The following NREP variants were observed in gnomAD, a reference collection of about 807,000 sequenced individuals.
The protein encoded by NREP is neuronal regeneration related protein, also known as neuronal regeneration-related protein.
Under a neutral mutation model 8.6 loss-of-function variants are expected in NREP, and 5 were observed. That is an observed-to-expected ratio of 0.58 (90% CI 0.30 to 1.22). The LOEUF is 1.22. NREP is among the 50% of genes most tolerant of loss of function. NREP has a pLI of 0.07. For missense variants in NREP, 86 were observed against 82.5 expected, an observed-to-expected ratio of 1.04 and a Z score of -0.17; for synonymous variants, 27 against 28.0, an observed-to-expected ratio of 0.96 and a Z score of 0.11.
intron 2 of NREP, among the ~76,000 whole-genome samples, chr5:111,798,949 G>A (rs1391408900): frequency 6.6e-6 from 1 of 152,150 alleles, no homozygotes; most frequent in Non-Finnish European, 1.5e-5. Flanking sequence ...CTAGCAGTGG[G>A]ATTGCTAGAT....
chr5:111,839,561 CT>C (rs1300330126), intron 2 of NREP, among the ~76,000 whole-genome samples: 5 of 151,998 alleles, frequency 3.3e-5, no homozygotes, highest in Non-Finnish European at 7.4e-5. Flanking sequence ...TTTTTCTTTC[CT>C]TTCCTGTCAT....
chr5:111,793,794 C>T (rs965788478), intron 2 of NREP, among the ~76,000 whole-genome samples: 4 of 152,290 alleles, frequency 2.6e-5, no homozygotes, highest in African/African-American at 4.8e-5. Flanking sequence ...CACAGTGGCT[C>T]ATGTCTGTAA....
intron 2 of NREP, among the ~76,000 whole-genome samples, chr5:111,782,459 G>A (rs769388478): frequency 5.9e-5 from 9 of 152,254 alleles, no homozygotes; most frequent in Non-Finnish European, 1.2e-4. Context: ...TGCCAAACTT[G>A]GAACAAATTC....
intron 2 of NREP, among the ~76,000 whole-genome samples, chr5:111,882,460 G>C (rs1009269372): frequency 9.2e-5 from 14 of 152,116 alleles, no homozygotes; most frequent in African/African-American, 3.1e-4. Context: ...CGACCATTTG[G>C]ATGCAGGAAA....
Position 111,976,770 on chromosome 5 carries a change from TCA to T in NREP, c.-33_-32del, listed in dbSNP as rs754947701. ...TCCTGTTACTGCTTGAGGATAAAGT[TCA>T]GTCTTTAAAGGACAAAGAAGCTTCT... On this transcript the variant is annotated 5_prime_UTR_variant, in exon 1 of 4. Transcript: ENST00000395634. The T allele has an allele frequency of 9.0e-6, 14 of 1,548,482 alleles. No homozygotes were observed. In the East Asian group the frequency reaches 3.2e-4, roughly 35 times the overall value.
chr5:111,826,476 C>T (rs934366566), intron 2 of NREP, among the ~76,000 whole-genome samples: 6 of 152,202 alleles, frequency 3.9e-5, no homozygotes, highest in Non-Finnish European at 8.8e-5. Context: ...TGCGGCTTCA[C>T]TCCTGAAGTC....
chr5:111,871,864 T>TTA (rs1336281866), intron 2 of NREP, among the ~76,000 whole-genome samples: 1 of 141,368 alleles, frequency 7.1e-6, no homozygotes, highest in African/African-American at 2.5e-5. Flanking sequence ...ATATATATAT[T>TTA]TATATATATA....
chr5:111,946,844 A>T (rs1756000233), intron 2 of NREP, among the ~76,000 whole-genome samples: 1 of 152,072 alleles, frequency 6.6e-6, no homozygotes, highest in African/African-American at 2.4e-5. Flanking sequence ...GAGCAGCCAC[A>T]TCTTCCTCCA....
At chr5:111,926,211 G>A (rs1755379520) in intron 2 of NREP, among the ~76,000 whole-genome samples, 1 of 152,142 alleles carries the variant, frequency 6.6e-6, no homozygotes, top group South Asian at 2.1e-4. Context: ...AAGCGAAACT[G>A]GGGAAGTGGG....
intron 2 of NREP, among the ~76,000 whole-genome samples, chr5:111,855,457 T>A (rs1047715146): frequency 1.3e-5 from 2 of 152,202 alleles, no homozygotes; most frequent in African/African-American, 4.8e-5. Flanking sequence ...AATAGGTCTA[T>A]AATCCCACCT....
intron 2 of NREP, among the ~76,000 whole-genome samples, chr5:111,901,962 A>G (rs10054939): frequency 0.13 from 19,849 of 152,148 alleles, 1,729 homozygotes; most frequent in African/African-American, 0.24. Context: ...TAAAATTCCT[A>G]TGGAACCACA....
intron 2 of NREP, among the ~76,000 whole-genome samples, chr5:111,747,135 T>C (rs913158626): frequency 1.3e-5 from 2 of 152,284 alleles, no homozygotes; most frequent in South Asian, 2.1e-4. Flanking sequence ...AGGAAATAGT[T>C]AATATCAAAC....
At chr5:111,780,520 A>G (rs1321685712) in intron 2 of NREP, among the ~76,000 whole-genome samples, 2 of 152,132 alleles carry the variant, frequency 1.3e-5, no homozygotes, top group Middle Eastern at 3.2e-3. Flanking sequence ...TGCTGCAAAC[A>G]TCAGTCAAGT....
At chr5:111,739,775 C>G (rs1749486779) in intron 2 of NREP, 2 of 152,100 alleles carry the variant, frequency 1.3e-5, no homozygotes, top group South Asian at 2.1e-4. Context: ...AAAATTTAAG[C>G]GTTCTGGGTA....
At chr5:111,877,842 G>A (rs1321937961) in intron 2 of NREP, among the ~76,000 whole-genome samples, 1 of 152,166 alleles carries the variant, frequency 6.6e-6, no homozygotes, top group Non-Finnish European at 1.5e-5. Flanking sequence ...AAGTTGAGTT[G>A]GGTGTTCCCC....
intron 2 of NREP, among the ~76,000 whole-genome samples, chr5:111,818,931 C>T (rs1337774069): frequency 6.6e-6 from 1 of 152,140 alleles, no homozygotes; most frequent in Non-Finnish European, 1.5e-5. Flanking sequence ...ATGCATAAAA[C>T]AATACCATTT....
intron 2 of NREP, among the ~76,000 whole-genome samples, chr5:111,856,106 G>T (rs1753421306): frequency 6.6e-6 from 1 of 152,144 alleles, no homozygotes; most frequent in Non-Finnish European, 1.5e-5. Context: ...TGAGGCAAGG[G>T]GAAGCATGGT....
At chr5:111,872,637 G>A (rs1753815926) in intron 2 of NREP, among the ~76,000 whole-genome samples, 1 of 152,088 alleles carries the variant, frequency 6.6e-6, no homozygotes, top group Non-Finnish European at 1.5e-5. Flanking sequence ...TTGAGTGAAC[G>A]TTTTGTACAA....
intron 2 of NREP, among the ~76,000 whole-genome samples, chr5:111,853,447 A>G (rs532078004): frequency 1.4e-5 from 2 of 147,180 alleles, no homozygotes; most frequent in African/African-American, 2.5e-5. Flanking sequence ...TACCACATCA[A>G]TGCAAGATGT....
Sources: allele counts gnomAD v4.1 joint callset (sites outside exome capture counted in the v4.1 genomes callset), GRCh38; gene constraint gnomAD v4.1.1; transcripts MANE v1.5; gene names NCBI Gene and HGNC (gene_info 2026-07-23, HGNC 2026-07-21).